The following NPHP4 variants were observed in gnomAD, a reference collection of about 807,000 sequenced individuals.
The protein encoded by NPHP4 is nephrocystin-4.
NPHP4 carries 151 observed loss-of-function variants against 155.8 expected under a neutral mutation model. The ratio of observed to expected loss-of-function variants is 0.97; its 90% CI spans 0.85 to 1.11. The LOEUF (loss-of-function observed/expected upper bound fraction) is 1.11. Among genes scored for constraint, NPHP4 ranks in the 50% least tolerant of loss-of-function variants. The pLI is 0.00. For missense variants in NPHP4, 1,956 were observed against 1,925.7 expected (o/e 1.02, Z -0.29); for synonymous variants, 845 against 816.8 (o/e 1.03, Z -0.59).
Position 5,907,118 on chromosome 1 carries a change from C to G in NPHP4, c.1608G>C (p.Gln536His). The G allele has an allele frequency of 6.6e-7, 1 of 1,521,586 alleles. No individual in the cohort carries two copies. The highest frequency in any genetic ancestry group is 1.3e-5 in the South Asian group (1 of 77,820). 94.3% of individuals were successfully genotyped at this position (1,521,586 alleles called of 1,614,324 possible). The change falls in exon 13 of 30, where the codon CAG becomes CAC. Residue 536 changes from glutamine to histidine, a missense_variant. By Grantham distance (24) the Gln-to-His change is conservative. Coordinates refer to ENST00000378156, the MANE Select transcript of NPHP4 (RefSeq NM_015102.5). ...LPHGSQASPA[Q>H]AQEFPLEAGI... ...GCGGCAGGTGGGCGGCACTTACTGC[C>G]TGGGCCGGGGAGGCCTGAGAGCCAT...
intron 2 of NPHP4, among the ~76,000 whole-genome samples, chr1:5,978,828 G>T (rs1654161773): frequency 2.0e-5 from 3 of 152,188 alleles, no homozygotes; most frequent in Admixed American, 6.5e-5. Flanking sequence ...TGGATTTGCT[G>T]TGAGTCAACA....
intron 20 of NPHP4, among the ~76,000 whole-genome samples, chr1:5,875,533 C>T (rs114498467): frequency 0.024 from 3,624 of 152,348 alleles, 130 homozygotes; most frequent in African/African-American, 0.082. Context: ...GGACATGCCC[C>T]CGGCCTGCTG....
intron 2 of NPHP4, among the ~76,000 whole-genome samples, chr1:5,984,303 C>T (rs995822575): frequency 6.6e-6 from 1 of 151,978 alleles, no homozygotes; most frequent in Non-Finnish European, 1.5e-5. Flanking sequence ...GAGGTAGAGG[C>T]GGGCAGATCA....
At chr1:5,945,508 T>C (rs1039902116) in intron 9 of NPHP4, among the ~76,000 whole-genome samples, 5 of 152,194 alleles carry the variant, frequency 3.3e-5, no homozygotes, top group Admixed American at 2.0e-4. Flanking sequence ...GGACTCGGAA[T>C]CATAGGGACC....
chr1:5,885,541 G>A (rs1643722145), intron 18 of NPHP4, among the ~76,000 whole-genome samples: 1 of 152,246 alleles, frequency 6.6e-6, no homozygotes, highest in South Asian at 2.1e-4. Context: ...CAAGCATGAG[G>A]GCAGTCCTCT....
At chr1:5,893,954 ATGGCC>A (rs1320246347) in intron 16 of NPHP4, among the ~76,000 whole-genome samples, 7 of 152,274 alleles carry the variant, frequency 4.6e-5, no homozygotes, top group African/African-American at 1.7e-4. Flanking sequence ...CTATCTCTGT[ATGGCC>A]TGGTTTTTCC....
rs1173399219 is a variant in NPHP4 at position 5,907,153 on chromosome 1, G to A, written c.1573C>T (p.Gln525Ter). 6.3e-7 allele frequency: 1 copy of A among 1,583,992 alleles called. No individual in the cohort carries two copies. The highest frequency in any genetic ancestry group is 2.3e-5 in the East Asian group (1 of 43,240). Residue 525 changes from glutamine (Q) to a stop codon, truncating the protein, a stop_gained, in exon 13 of 30, where the codon CAG (glutamine) becomes TAG (stop). Transcript: ENST00000378156. LOFTEE classifies it high-confidence loss of function. ...GAGGCCTGAGAGCCATGGGGTAGCT[G>A]TGAAGTAGGCCTGGCCAAGCAGTGC... ...TQHCLARPTS[Q>*]LPHGSQASPA...
intron 11 of NPHP4, among the ~76,000 whole-genome samples, chr1:5,911,236 C>CAT (rs150621067): frequency 0.021 from 3,203 of 152,300 alleles, 92 homozygotes; most frequent in African/African-American, 0.07. Context: ...TCTTACAGTC[C>CAT]ATTTCAGAGC....
chr1:5,934,769 C>T (rs1371730116), intron 9 of NPHP4, among the ~76,000 whole-genome samples: 3 of 152,144 alleles, frequency 2.0e-5, no homozygotes, highest in Non-Finnish European at 2.9e-5. Flanking sequence ...GACGAATGGA[C>T]GCCCATGCCC....
chr1:5,934,581 G>C (rs1646440383), intron 9 of NPHP4, among the ~76,000 whole-genome samples: 1 of 152,188 alleles, frequency 6.6e-6, no homozygotes. Flanking sequence ...CCCTTCAGGG[G>C]TGACAAAAGT....
intron 3 of NPHP4, among the ~76,000 whole-genome samples, chr1:5,971,179 G>C (rs750150777): frequency 2.4e-4 from 37 of 152,148 alleles, no homozygotes; most frequent in Non-Finnish European, 4.8e-4. Context: ...CTGCCGCTAC[G>C]GGCATGTCCC....
intron 21 of NPHP4, 59 bp from the exon 22 acceptor site, chr1:5,874,716 C>G: frequency 6.4e-7 from 1 of 1,565,894 alleles, no homozygotes; most frequent in East Asian, 2.3e-5. Flanking sequence ...CCACAGGAGG[C>G]TGCGGTCCCA....
At chr1:5,895,454 C>T (rs375046078) in intron 16 of NPHP4, among the ~76,000 whole-genome samples, 4 of 152,110 alleles carry the variant, frequency 2.6e-5, no homozygotes, top group African/African-American at 4.8e-5. Flanking sequence ...TTGCCAAGAT[C>T]GCGCCACTGC....
Position 5,911,607 on chromosome 1 carries a change from T to C in NPHP4, c.1442-2394A>G, listed in dbSNP as rs557217825. Among the ~76,000 whole-genome samples the C allele has an allele frequency of 1.1e-4, 17 of 152,294 alleles. 1 individual carries two copies. The highest frequency in any genetic ancestry group is 3.4e-4 in the African/African-American group (14 of 41,542). ...AAGTAACTCTTTATATCATGACTTA[T>C]GCAATTTTTTCTTCCAAGAGAGTAA... On this transcript the variant is annotated intron_variant, in intron 11 of 29. Coordinates refer to ENST00000378156, the MANE Select transcript of NPHP4 (RefSeq NM_015102.5).
intron 11 of NPHP4, among the ~76,000 whole-genome samples, chr1:5,917,454 G>A (rs1645535237): frequency 6.6e-6 from 1 of 152,168 alleles, no homozygotes; most frequent in African/African-American, 2.4e-5. Context: ...AACAGATGGA[G>A]TCTTAATGGC....
chr1:5,869,352 A>G (rs1311383257), intron 23 of NPHP4, among the ~76,000 whole-genome samples: 2 of 150,710 alleles, frequency 1.3e-5, no homozygotes, highest in African/African-American at 2.5e-5. Context: ...ATGCACGCAC[A>G]CACACACATG....
rs115122775 is a variant in NPHP4 at position 5,896,227 on chromosome 1, G to A, written c.2144-5199C>T. Among the ~76,000 whole-genome samples, 824 of 152,300 alleles carry A rather than the reference G, an allele frequency of 5.4e-3. 13 individuals are homozygous for A. Among genetic ancestry groups the A allele is most frequent in the African/African-American group, 0.018 (760 of 41,548 alleles). On this transcript the variant is annotated intron_variant, in intron 16 of 29. Transcript: ENST00000378156. ...AGGGATGAGGGGAGCAGGGAGGCCC[G>A]AGCACACACTGGGCTACGGTGTTCA... is the stretch of plus-strand genomic sequence containing the variant.
chr1:5,921,505 G>A (rs1159610223), intron 11 of NPHP4, among the ~76,000 whole-genome samples: 1 of 152,164 alleles, frequency 6.6e-6, no homozygotes, highest in Non-Finnish European at 1.5e-5. Context: ...TTAGACATCT[G>A]GATTCCTCCA....
intron 15 of NPHP4, 77 bp from the exon 16 acceptor site, chr1:5,904,881 G>C (rs1032051200): frequency 7.0e-7 from 1 of 1,434,334 alleles, no homozygotes; most frequent in African/African-American, 1.4e-5. Flanking sequence ...TGTTTGCATA[G>C]GGGATGGTCC....
Sources: gnomAD v4.1 joint callset for allele counts (sites outside exome capture counted in the v4.1 genomes callset) on GRCh38, gnomAD v4.1.1 for gene constraint, MANE v1.5 for transcripts, NCBI Gene and HGNC (gene_info 2026-07-23, HGNC 2026-07-21) for gene names.